Variants in XPA observed in about 807,000 individuals in gnomAD.
XPA encodes XPA, DNA damage recognition and repair factor, also known as DNA repair protein complementing XP-A cells.
In XPA, 27 loss-of-function variants were observed where a neutral mutation model predicts 35.7. The observed-to-expected ratio is 0.76, with a 90% CI of 0.56 to 1.04. The LOEUF (loss-of-function observed/expected upper bound fraction) is 1.04, where lower values mean the gene tolerates loss of function less well. Ranked by LOEUF, XPA falls within the 50% of genes least tolerant of loss-of-function variation. The probability of loss-of-function intolerance (pLI) is 0.00; values close to 1 mark genes in which losing one functional copy is unlikely to be tolerated. For synonymous variants in XPA, 133 were observed against 118.4 expected, an observed-to-expected ratio of 1.12 and a Z score of -0.80; for missense variants, 354 against 342.7, an observed-to-expected ratio of 1.03 and a Z score of -0.26.
downstream of XPA, chr9:97,673,358 A>T (rs761778277): frequency 3.3e-4 from 50 of 152,300 alleles, no homozygotes; most frequent in Non-Finnish European, 6.8e-4. Flanking sequence ...CCTTTAAGGG[A>T]TTGGTAACTT....
chr9:97,662,384 T>C, the XPA span, among the ~76,000 whole-genome samples: 1 of 152,146 alleles, frequency 6.6e-6, no homozygotes, highest in African/African-American at 2.4e-5. Flanking sequence ...TTAAAGAAAC[T>C]AGTGAAAAAC....
chr9:97,677,901 T>A (rs1828416677), intron 5 of XPA, among the ~76,000 whole-genome samples: 1 of 152,088 alleles, frequency 6.6e-6, no homozygotes, highest in Non-Finnish European at 1.5e-5. Context: ...ACATAGGGCT[T>A]TGATCAAGTC....
the XPA span, chr9:97,658,675 C>T: frequency 6.2e-7 from 1 of 1,613,244 alleles, no homozygotes; most frequent in Non-Finnish European, 8.5e-7. Context: ...GATATTGTTC[C>T]TCCTACCTTC....
intron 5 of XPA, among the ~76,000 whole-genome samples, chr9:97,676,129 A>C (rs974958807): frequency 6.6e-6 from 1 of 152,216 alleles, no homozygotes; most frequent in African/African-American, 2.4e-5. Flanking sequence ...AGTCTGTTGA[A>C]GTTCTTATAA....
the XPA span, chr9:97,655,654 C>T: frequency 2.0e-6 from 3 of 1,478,732 alleles, no homozygotes; most frequent in East Asian, 6.8e-5. Context: ...GTTCTAAATC[C>T]CAGTTATTCT....
chr9:97,662,225 G>A, the XPA span: 3 of 1,045,346 alleles, frequency 2.9e-6, no homozygotes, highest in Non-Finnish European at 4.5e-6. Context: ...TTTTACCTAA[G>A]ATTGTTGAAT....
In XPA at chr9:97,686,341, G is replaced by A. The variant is rs576062096; in HGVS notation, c.555+755C>T. 3.3e-5 allele frequency among the ~76,000 whole-genome samples: 5 copies of A among 152,266 alleles called. No homozygotes were observed. The South Asian group carries it at 6.2e-4, about 19-fold the overall frequency. On this transcript the variant is annotated intron_variant, in intron 4 of 5. Coordinates refer to ENST00000375128, the MANE Select transcript of XPA (RefSeq NM_000380.4). The stretch of plus-strand genomic sequence containing the variant: ...AGTCCTAGCCACTAAGTGGATCACC[G>A]TCTTGGCACACCTATAACCCATCTG...
intron 5 of XPA, among the ~76,000 whole-genome samples, chr9:97,679,091 G>T (rs1828458916): frequency 1.3e-5 from 2 of 152,098 alleles, no homozygotes; most frequent in African/African-American, 4.8e-5. Flanking sequence ...AGAATATGGA[G>T]GGCAGATTAG....
intron 5 of XPA, 33 bp downstream of exon 5, chr9:97,684,890 C>T: frequency 6.4e-7 from 1 of 1,563,610 alleles, no homozygotes; most frequent in East Asian, 2.3e-5. Flanking sequence ...TGGTAAAACA[C>T]AATCCTTCAC....
intron 5 of XPA, among the ~76,000 whole-genome samples, chr9:97,679,243 G>T (rs1033277631): frequency 6.6e-6 from 1 of 152,080 alleles, no homozygotes; most frequent in South Asian, 2.1e-4. Flanking sequence ...GTCTTAAATG[G>T]TTCGGAAAAA....
intron 5 of XPA, among the ~76,000 whole-genome samples, chr9:97,677,702 AAAC>A (rs1160043611): frequency 1.3e-5 from 2 of 151,996 alleles, no homozygotes; most frequent in Non-Finnish European, 2.9e-5. Context: ...TCAAAGAAAA[AAAC>A]AACAGAACAT....
the XPA span, among the ~76,000 whole-genome samples, chr9:97,657,981 C>T: frequency 7.7e-6 from 1 of 130,708 alleles, no homozygotes. Context: ...CCCTTATTTT[C>T]TAGAACAACA....
At chr9:97,667,083 G>T in the XPA span, among the ~76,000 whole-genome samples, 153 of 152,280 alleles carry the variant, frequency 1.0e-3, 1 homozygote, top group African/African-American at 3.5e-3. Flanking sequence ...ACTGCATGAT[G>T]AACCAGTTCA....
At chr9:97,654,884 C>T in the XPA span, 2 of 1,613,466 alleles carry the variant, frequency 1.2e-6, no homozygotes, top group Non-Finnish European at 1.7e-6. Flanking sequence ...TCACAGCTTG[C>T]ACAGGCAACT....
intron 2 of XPA, among the ~76,000 whole-genome samples, chr9:97,691,458 T>C (rs1828884892): frequency 6.6e-6 from 1 of 151,412 alleles, no homozygotes; most frequent in Non-Finnish European, 1.5e-5. Context: ...TCCCAGCACT[T>C]TGGGAGGCCA....
the XPA span, chr9:97,668,749 A>C: frequency 2.2e-6 from 3 of 1,361,662 alleles, no homozygotes; most frequent in East Asian, 7.6e-5. Context: ...TATAAGTCTT[A>C]ACATTTGGCC....
downstream of XPA, among the ~76,000 whole-genome samples, chr9:97,674,441 G>A (rs1003047526): frequency 1.3e-5 from 2 of 152,038 alleles, no homozygotes; most frequent in African/African-American, 4.8e-5. Flanking sequence ...AAATGGAAAT[G>A]TTTAAACTTC....
chr9:97,673,917 C>CTAT (rs1036896520), downstream of XPA, among the ~76,000 whole-genome samples: 4 of 152,164 alleles, frequency 2.6e-5, no homozygotes, highest in African/African-American at 9.7e-5. Context: ...CTAGACAAAT[C>CTAT]TATTTTCTGT....
intron 5 of XPA, among the ~76,000 whole-genome samples, chr9:97,676,354 T>G (rs985613314): frequency 6.6e-6 from 1 of 152,222 alleles, no homozygotes. Flanking sequence ...CAAAGAAAAT[T>G]ATATTGGGTT....
Sources: gnomAD v4.1 joint callset for allele counts (sites outside exome capture counted in the v4.1 genomes callset) on GRCh38, gnomAD v4.1.1 for gene constraint, MANE v1.5 for transcripts, NCBI Gene and HGNC (gene_info 2026-07-23, HGNC 2026-07-21) for gene names.